GABRB1: variants seen among roughly 807,000 people sequenced by gnomAD.
GABRB1 encodes gamma-aminobutyric acid type A receptor subunit beta1, also known as gamma-aminobutyric acid receptor subunit beta-1.
GABRB1 carries 17 observed loss-of-function variants against 51.6 expected under a neutral mutation model. The ratio of observed to expected loss-of-function variants is 0.33; its 90% CI spans 0.23 to 0.49. The LOEUF is 0.49. Among genes scored for constraint, GABRB1 ranks in the 20% least tolerant of loss-of-function variants. GABRB1 has a pLI of 0.99. For synonymous variants in GABRB1, 247 were observed against 218.9 expected, an observed-to-expected ratio of 1.13 and a Z score of -1.14; for missense variants, 410 against 600.6, an observed-to-expected ratio of 0.68 and a Z score of 3.32.
intron 3 of GABRB1, among the ~76,000 whole-genome samples, chr4:47,060,193 T>C (rs1274462535): frequency 6.6e-6 from 1 of 152,188 alleles, no homozygotes; most frequent in African/African-American, 2.4e-5. Context: ...TCTCCAATAG[T>C]GAACTTTCTG....
chr4:47,233,643 T>G (rs1578020622), intron 4 of GABRB1, among the ~76,000 whole-genome samples: 1 of 152,304 alleles, frequency 6.6e-6, no homozygotes, highest in South Asian at 2.1e-4. Context: ...CTGACCAAAC[T>G]GTACTGCAAT....
chr4:47,028,309 TC>T (rs1725166571), upstream of GABRB1, among the ~76,000 whole-genome samples: 1 of 151,782 alleles, frequency 6.6e-6, no homozygotes, highest in Non-Finnish European at 1.5e-5. Context: ...TAAGCACTTA[TC>T]CTTGAAATTA....
chr4:47,123,768 A>G lies in GABRB1; in HGVS notation c.241-37481A>G, dbSNP rs1220277295. 6.7e-3 allele frequency among the ~76,000 whole-genome samples: 612 copies of G among 90,898 alleles called. 3 individuals carry two copies. Among genetic ancestry groups the G allele is most frequent in the Middle Eastern group, 0.016 (2 of 122 alleles). 59.6% of individuals were successfully genotyped at this position (90,898 alleles called of 152,430 possible). A position where few individuals can be genotyped will look rare whatever the true frequency, so the allele number is the denominator to read the frequency against. On this transcript the variant is annotated intron_variant, in intron 3 of 8. Transcript: ENST00000295454. Reference sequence around the variant, plus strand: ...TATATATAATATATTATAATATATTATATATCATATATTATTATATATAAT... The same window carrying G: ...TATATATAATATATTATAATATATTGTATATCATATATTATTATATATAAT...
intron 4 of GABRB1, among the ~76,000 whole-genome samples, chr4:47,194,336 AT>A (rs1719560606): frequency 6.6e-6 from 1 of 152,008 alleles, no homozygotes; most frequent in African/African-American, 2.4e-5. Flanking sequence ...ACAAGCTTAC[AT>A]TTTTTCATTG....
chr4:47,032,796 A>C (rs910658629), intron 3 of GABRB1: 1 of 565,740 alleles, frequency 1.8e-6, no homozygotes, highest in Non-Finnish European at 3.5e-6. Context: ...GCGTGTTTGG[A>C]TGAGGAGGGC....
At chr4:47,359,274 C>A (rs1726712117) in intron 5 of GABRB1, among the ~76,000 whole-genome samples, 1 of 152,046 alleles carries the variant, frequency 6.6e-6, no homozygotes, top group African/African-American at 2.4e-5. Context: ...TAGCAGTGAA[C>A]ATCATGATGG....
At chr4:47,420,544 A>G (rs1729060573) in intron 8 of GABRB1, among the ~76,000 whole-genome samples, 1 of 152,216 alleles carries the variant, frequency 6.6e-6, no homozygotes, top group Non-Finnish European at 1.5e-5. Flanking sequence ...AAAAATCTTC[A>G]ATCTGGATTG....
At chr4:47,093,539 T>C (rs1714234485) in intron 3 of GABRB1, among the ~76,000 whole-genome samples, 1 of 152,208 alleles carries the variant, frequency 6.6e-6, no homozygotes, top group Admixed American at 6.5e-5. Flanking sequence ...TGCAAAGTTG[T>C]AGTCAGTAAT....
At chr4:47,032,921 CCG>C in intron 3 of GABRB1, 9 of 358,684 alleles carry the variant, frequency 2.5e-5, no homozygotes, top group Non-Finnish European at 4.4e-5. Context: ...GTCCGCGAGC[CCG>C]GATGCACCAA....
At chr4:47,360,870 T>C (rs1221101805) in intron 5 of GABRB1, among the ~76,000 whole-genome samples, 5 of 152,216 alleles carry the variant, frequency 3.3e-5, no homozygotes, top group African/African-American at 1.2e-4. Context: ...ATAATAATAA[T>C]CCCAATTTTT....
rs557813355 is a variant in GABRB1 at position 47,067,674 on chromosome 4, G to A, written c.240+35190G>A. Among the ~76,000 whole-genome samples, 14 of 151,610 alleles carry A rather than the reference G, an allele frequency of 9.2e-5. No individual in the cohort carries two copies. The East Asian group carries it at 1.7e-3, about 19-fold the overall frequency. On this transcript the variant is annotated intron_variant, in intron 3 of 8. Transcript: ENST00000295454. ...GTTATTATTTGAGTCTCGCTCTGTC[G>A]CCCAGGCTGGAGTGGAACACGAGTA...
chr4:47,005,903 T>C (rs1190805830), intron 1 of GABRB1, among the ~76,000 whole-genome samples: 1 of 148,922 alleles, frequency 6.7e-6, no homozygotes, highest in Non-Finnish European at 1.5e-5. Flanking sequence ...AATACAAATG[T>C]CTTCTTTCCT....
intron 4 of GABRB1, among the ~76,000 whole-genome samples, chr4:47,182,537 A>G (rs1207009341): frequency 2.0e-5 from 3 of 151,998 alleles, no homozygotes; most frequent in Admixed American, 1.3e-4. Flanking sequence ...CTTATTCCAC[A>G]GCATAGTGAA....
At chr4:47,074,291 G>A (rs186282000) in intron 3 of GABRB1, among the ~76,000 whole-genome samples, 5 of 152,240 alleles carry the variant, frequency 3.3e-5, no homozygotes, top group East Asian at 1.9e-4. Context: ...ATTGAAGCTC[G>A]TATCTAAGAG....
chr4:47,254,731 C>T (rs536267016), intron 4 of GABRB1, among the ~76,000 whole-genome samples: 1 of 152,188 alleles, frequency 6.6e-6, no homozygotes, highest in African/African-American at 2.4e-5. Flanking sequence ...AATTACTTTA[C>T]CAATAGCTAT....
At chr4:47,321,848 A>T (rs1013587644) in intron 5 of GABRB1, among the ~76,000 whole-genome samples, 2 of 152,200 alleles carry the variant, frequency 1.3e-5, no homozygotes, top group African/African-American at 4.8e-5. Context: ...GACCTTATGA[A>T]TTGTATCATT....
intron 4 of GABRB1, among the ~76,000 whole-genome samples, chr4:47,292,432 C>A (rs888311724): frequency 6.6e-6 from 1 of 152,186 alleles, no homozygotes; most frequent in Non-Finnish European, 1.5e-5. Flanking sequence ...AAAATAATAA[C>A]AAATTATAAT....
rs1019053122 is a variant in GABRB1 at position 47,127,310 on chromosome 4, A to G, written c.241-33939A>G. Among the ~76,000 whole-genome samples the G allele has an allele frequency of 7.2e-5, 11 of 151,938 alleles. 1 individual carries two copies. The highest frequency in any genetic ancestry group is 5.9e-4 in the Admixed American group (9 of 15,272). ...AGATTATAACACATGCTAAAAATAT[A>G]TAGATATATGTGTGTGTAGATACAC... On this transcript the variant is annotated intron_variant, in intron 3 of 8. Coordinates refer to ENST00000295454, the MANE Select transcript of GABRB1 (RefSeq NM_000812.4).
intron 4 of GABRB1, among the ~76,000 whole-genome samples, chr4:47,286,938 C>G (rs959160): frequency 0.14 from 21,528 of 152,204 alleles, 2,012 homozygotes; most frequent in Middle Eastern, 0.26. Context: ...CCAATTCTGA[C>G]CCCGCATGTG....
Sources: allele counts gnomAD v4.1 joint callset (sites outside exome capture counted in the v4.1 genomes callset), GRCh38; gene constraint gnomAD v4.1.1; transcripts MANE v1.5; gene names NCBI Gene and HGNC (gene_info 2026-07-23, HGNC 2026-07-21).